Variants in ARHGAP22 observed in about 807,000 individuals in gnomAD.
The protein encoded by ARHGAP22 is Rho GTPase activating protein 22.
Under a neutral mutation model 59.1 loss-of-function variants are expected in ARHGAP22, and 48 were observed. The observed-to-expected ratio is 0.81, with a 90% CI of 0.64 to 1.03. The LOEUF (loss-of-function observed/expected upper bound fraction) is 1.03. ARHGAP22 is among the 50% of genes least tolerant of loss of function. The pLI is 0.00. For missense variants in ARHGAP22, 1,015 were observed against 958.7 expected, an observed-to-expected ratio of 1.06 and a Z score of -0.78; for synonymous variants, 445 against 416.4, an observed-to-expected ratio of 1.07 and a Z score of -0.84.
intron 9 of ARHGAP22, among the ~76,000 whole-genome samples, chr10:48,449,020 C>T (rs1420868215): frequency 6.6e-6 from 1 of 152,178 alleles, no homozygotes; most frequent in Non-Finnish European, 1.5e-5. Flanking sequence ...GTCAAAGAGC[C>T]CTGCATCTCC....
At chr10:48,566,879 T>G (rs75482917) in intron 2 of ARHGAP22, among the ~76,000 whole-genome samples, 58,658 of 151,960 alleles carry the variant, frequency 0.39, 12,745 homozygotes, top group East Asian at 0.89. Flanking sequence ...TTACTTTCAG[T>G]GTTGCACAGC....
upstream of ARHGAP22, among the ~76,000 whole-genome samples, chr10:48,608,237 G>A (rs1004006208): frequency 6.6e-6 from 1 of 152,206 alleles, no homozygotes; most frequent in Admixed American, 6.5e-5. Flanking sequence ...AAAGTGGAAA[G>A]GGCATCTGTC....
At chr10:48,466,667 G>A (rs1330319033) in intron 4 of ARHGAP22, 3 of 14,176 alleles carry the variant, frequency 2.1e-4, no homozygotes. Context: ...GCCGGCATCA[G>A]GCCCATGGCG....
chr10:48,655,254 TGTG>T (rs1190019124), upstream of ARHGAP22, among the ~76,000 whole-genome samples: 7 of 4,390 alleles, frequency 1.6e-3, no homozygotes, highest in African/African-American at 1.7e-3. Flanking sequence ...TGTGTGTGTG[TGTG>T]GGGGGGGGGG....
intron 1 of ARHGAP22, among the ~76,000 whole-genome samples, chr10:48,626,507 T>C (rs537475281): frequency 6.6e-6 from 1 of 152,362 alleles, no homozygotes; most frequent in African/African-American, 2.4e-5. Flanking sequence ...GCCTTCAGAA[T>C]TGAAGCTCTG....
At chr10:48,456,953 G>A (rs1023731530) in intron 5 of ARHGAP22, among the ~76,000 whole-genome samples, 2 of 152,046 alleles carry the variant, frequency 1.3e-5, no homozygotes, top group African/African-American at 4.8e-5. Context: ...TGTACAGCCC[G>A]TGGTCCTGTG....
At chr10:48,552,699 G>A (rs528856986) in intron 3 of ARHGAP22, among the ~76,000 whole-genome samples, 1 of 152,234 alleles carries the variant, frequency 6.6e-6, no homozygotes, top group African/African-American at 2.4e-5. Context: ...TCAGGGCCCT[G>A]CAAGGCTGGC....
At chr10:48,565,250 C>T (rs2120905) in intron 2 of ARHGAP22, among the ~76,000 whole-genome samples, 69,186 of 151,928 alleles carry the variant, frequency 0.46, 17,363 homozygotes, top group East Asian at 0.9. Context: ...GCATCTCCCT[C>T]ACAGATCTCT....
chr10:48,448,500 C>G (rs2045583154), intron 9 of ARHGAP22, among the ~76,000 whole-genome samples: 1 of 152,202 alleles, frequency 6.6e-6, no homozygotes, highest in Non-Finnish European at 1.5e-5. Context: ...AACAGGTTCT[C>G]TTTTGGGAAT....
intron 3 of ARHGAP22, among the ~76,000 whole-genome samples, chr10:48,547,436 G>T (rs554381653): frequency 8.5e-5 from 13 of 152,262 alleles, no homozygotes; most frequent in Non-Finnish European, 1.6e-4. Flanking sequence ...AAGGAGCCCA[G>T]TGGGAGGGAA....
rs552131360 is a variant in ARHGAP22, at chr10:48,633,523, T to C, written c.52+18711A>G. On this transcript the variant is annotated intron_variant, in intron 1 of 9. Coordinates refer to the ARHGAP22 transcript ENST00000435790. ...AACTCTTTTCTTTTAATTAGACATG[T>C]AATCCTTATTACAGTCTTGTGAGAT... Among the ~76,000 whole-genome samples, 5 of 152,378 alleles carry C rather than the reference T, an allele frequency of 3.3e-5. No individual in the cohort carries two copies. In the East Asian group the frequency reaches 7.7e-4, roughly 23 times the overall value.
At chr10:48,569,452 C>T (rs2058264168) in intron 2 of ARHGAP22, among the ~76,000 whole-genome samples, 1 of 152,140 alleles carries the variant, frequency 6.6e-6, no homozygotes, top group Non-Finnish European at 1.5e-5. Context: ...CTAGAATGCT[C>T]CAAACACAAT....
At chr10:48,464,564 G>A (rs1331763752) in intron 4 of ARHGAP22, among the ~76,000 whole-genome samples, 1 of 152,224 alleles carries the variant, frequency 6.6e-6, no homozygotes, top group Non-Finnish European at 1.5e-5. Flanking sequence ...GCGTCAGAGG[G>A]CAGGGGTGAA....
intron 1 of ARHGAP22, among the ~76,000 whole-genome samples, chr10:48,630,669 A>G (rs1378950247): frequency 2.6e-5 from 4 of 152,216 alleles, no homozygotes; most frequent in South Asian, 2.1e-4. Flanking sequence ...ATAATCACTT[A>G]TAAGTTGCAA....
chr10:48,618,888 G>A (rs1396866552), intron 1 of ARHGAP22, among the ~76,000 whole-genome samples: 1 of 151,998 alleles, frequency 6.6e-6, no homozygotes, highest in Non-Finnish European at 1.5e-5. Context: ...GAACATCCAG[G>A]TTGCAAAGGA....
At chr10:48,654,840 TCCTC>T (rs2062709912), upstream of ARHGAP22, among the ~76,000 whole-genome samples, 1 of 145,158 alleles carries the variant, frequency 6.9e-6, no homozygotes, top group African/African-American at 2.6e-5. Flanking sequence ...CTTCCTTCCT[TCCTC>T]TCTCTTTTCT....
At chr10:48,650,158 T>A (rs1249119048) in intron 1 of ARHGAP22, among the ~76,000 whole-genome samples, 1 of 147,220 alleles carries the variant, frequency 6.8e-6, no homozygotes, top group African/African-American at 2.5e-5. Flanking sequence ...TTTTTTTTTT[T>A]TTTTTTTTTT....
At chr10:48,513,974 A>T (rs1388910096) in intron 3 of ARHGAP22, among the ~76,000 whole-genome samples, 1 of 152,196 alleles carries the variant, frequency 6.6e-6, no homozygotes, top group Non-Finnish European at 1.5e-5. Context: ...AAAGAAACAA[A>T]TATAAATTCT....
chr10:48,655,022 CTTT>C (rs1219182741), upstream of ARHGAP22, among the ~76,000 whole-genome samples: 9 of 62,220 alleles, frequency 1.4e-4, no homozygotes, highest in African/African-American at 5.3e-4. Flanking sequence ...TTCTTTCTTT[CTTT>C]CTTTCATTCT....
Sources: allele counts gnomAD v4.1 joint callset (sites outside exome capture counted in the v4.1 genomes callset), GRCh38; gene constraint gnomAD v4.1.1; transcripts MANE v1.5; gene names NCBI Gene and HGNC (gene_info 2026-07-23, HGNC 2026-07-21).